The following ASAP1 variants were observed in gnomAD, a reference collection of about 807,000 sequenced individuals.
The protein encoded by ASAP1 is ArfGAP with SH3 domain, ankyrin repeat and PH domain 1, also known as arf-GAP with SH3 domain, ANK repeat and PH domain-containing protein 1.
Under a neutral mutation model 145.2 loss-of-function variants are expected in ASAP1, and 43 were observed. The observed-to-expected ratio is 0.30, with a 90% CI of 0.23 to 0.38. The LOEUF (loss-of-function observed/expected upper bound fraction) is 0.38. Ranked by LOEUF, ASAP1 falls within the 10% of genes least tolerant of loss-of-function variation. The probability of loss-of-function intolerance (pLI) is 1.00; values close to 1 mark genes in which losing one functional copy is unlikely to be tolerated. For synonymous variants in ASAP1, 546 were observed against 515.5 expected, an observed-to-expected ratio of 1.06 and a Z score of -0.80; for missense variants, 1,018 against 1,355.3, an observed-to-expected ratio of 0.75 and a Z score of 3.91.
chr8:130,119,356 C>G (rs2097561771), intron 18 of ASAP1, among the ~76,000 whole-genome samples: 1 of 152,196 alleles, frequency 6.6e-6, no homozygotes. Context: ...AGCTGTCTTT[C>G]CTGCACAGGT....
At chr8:130,310,013 G>C (rs921189161) in intron 3 of ASAP1, among the ~76,000 whole-genome samples, 6 of 151,712 alleles carry the variant, frequency 4.0e-5, no homozygotes, top group Non-Finnish European at 8.8e-5. Flanking sequence ...TATCCCAATC[G>C]TCCAGTTTCT....
chr8:130,142,623 T>G (rs1012200817), intron 13 of ASAP1, among the ~76,000 whole-genome samples: 1 of 152,108 alleles, frequency 6.6e-6, no homozygotes, highest in South Asian at 2.1e-4. Flanking sequence ...ACCAAAGATG[T>G]AGGCAAGGTT....
At chr8:130,099,202 TGA>T (rs2097524384) in intron 24 of ASAP1, among the ~76,000 whole-genome samples, 1 of 150,814 alleles carries the variant, frequency 6.6e-6, no homozygotes, top group African/African-American at 2.4e-5. Context: ...TTTGGTGGAC[TGA>T]GTCTCGCTCT....
intron 3 of ASAP1, among the ~76,000 whole-genome samples, chr8:130,334,559 A>C (rs1487740100): frequency 6.6e-6 from 1 of 152,256 alleles, no homozygotes; most frequent in Non-Finnish European, 1.5e-5. Context: ...ACAGTTCTTC[A>C]CAACCATTCT....
rs565613974 is a variant in ASAP1, at chr8:130,251,917, T to C, written c.187-14923A>G. Among the ~76,000 whole-genome samples the C allele has an allele frequency of 2.6e-5, 4 of 152,258 alleles. No individual in the cohort carries two copies. In the South Asian group the frequency reaches 6.2e-4, roughly 24 times the overall value. On this transcript the variant is annotated intron_variant, in intron 3 of 29. Transcript: ENST00000518721. ...GCTTTGGAGAAATGGCCACAAACCA[T>C]ACAGAAGACAAATTATATTTCAAGT... is the stretch of plus-strand genomic sequence containing the variant.
At chr8:130,161,627 A>G (rs2097669449) in intron 11 of ASAP1, among the ~76,000 whole-genome samples, 1 of 152,196 alleles carries the variant, frequency 6.6e-6, no homozygotes, top group Non-Finnish European at 1.5e-5. Context: ...TAAAGAGGTT[A>G]CAAACTTGAG....
intron 2 of ASAP1, among the ~76,000 whole-genome samples, chr8:130,359,892 G>A (rs1198864470): frequency 6.6e-6 from 1 of 151,236 alleles, no homozygotes; most frequent in Non-Finnish European, 1.5e-5. Context: ...CAAAGTGCTG[G>A]GATTACAGGC....
At chr8:130,112,543 G>C (rs2097548591) in intron 23 of ASAP1, 2 of 476,964 alleles carry the variant, frequency 4.2e-6, no homozygotes, top group African/African-American at 1.9e-5. Flanking sequence ...TCACACTAGT[G>C]AAACACTGGT....
intron 3 of ASAP1, among the ~76,000 whole-genome samples, chr8:130,301,443 A>C (rs1171636689): frequency 6.6e-6 from 1 of 152,210 alleles, no homozygotes; most frequent in Non-Finnish European, 1.5e-5. Context: ...AAAGGCATGG[A>C]CTTCTGTAGC....
chr8:130,330,792 T>C (rs574200277), intron 3 of ASAP1, among the ~76,000 whole-genome samples: 2 of 152,302 alleles, frequency 1.3e-5, no homozygotes, highest in South Asian at 2.1e-4. Context: ...ATTTTGCCTG[T>C]TTTTACATAT....
intron 3 of ASAP1, among the ~76,000 whole-genome samples, chr8:130,253,790 T>C (rs558709838): frequency 1.3e-5 from 2 of 152,316 alleles, no homozygotes; most frequent in Non-Finnish European, 1.5e-5. Flanking sequence ...TTACTTTTTC[T>C]TAAATATTTC....
intron 4 of ASAP1, among the ~76,000 whole-genome samples, chr8:130,218,060 C>T (rs145255895): frequency 6.6e-6 from 1 of 152,074 alleles, no homozygotes; most frequent in African/African-American, 2.4e-5. Context: ...CTCAGAGGAG[C>T]GGCTCAGAAA....
At chr8:130,093,239 T>C (rs1216754050) in intron 24 of ASAP1, among the ~76,000 whole-genome samples, 1 of 152,216 alleles carries the variant, frequency 6.6e-6, no homozygotes, top group Non-Finnish European at 1.5e-5. Context: ...ATCTTAGTTT[T>C]GTTTATTCAA....
intron 7 of ASAP1, among the ~76,000 whole-genome samples, chr8:130,182,542 T>A (rs1202586005): frequency 6.6e-6 from 1 of 152,146 alleles, no homozygotes; most frequent in African/African-American, 2.4e-5. Context: ...CTTCACATCC[T>A]AAAACTTGAA....
chr8:130,105,141 G>C lies in ASAP1; in HGVS notation c.2401+6953C>G, dbSNP rs565747317. On this transcript the variant is annotated intron_variant, in intron 24 of 29. Transcript: ENST00000518721. ...TTGGACCTTTGTATCTGGGAGTTCT[G>C]CATCTGCAGGTTCAACCAACCCTGG... 5.3e-5 allele frequency among the ~76,000 whole-genome samples: 8 copies of C among 152,172 alleles called. No homozygotes were observed. In the South Asian group the frequency reaches 1.7e-3, roughly 32 times the overall value.
chr8:130,357,588 A>G (rs1826401736), intron 3 of ASAP1, among the ~76,000 whole-genome samples: 1 of 152,176 alleles, frequency 6.6e-6, no homozygotes, highest in South Asian at 2.1e-4. Context: ...CGGGCCGCTG[A>G]GGGGTGCGTT....
intron 2 of ASAP1, among the ~76,000 whole-genome samples, chr8:130,374,034 TAA>T (rs34199624): frequency 7.2e-4 from 68 of 94,386 alleles, no homozygotes; most frequent in South Asian, 2.9e-3. Context: ...TAACTCCCTT[TAA>T]AAAAAAAAAA....
rs368803236 is a variant in ASAP1 at position 130,079,986 on chromosome 8, G to A, written c.2573-15C>T. On this transcript the variant is annotated splice_polypyrimidine_tract_variant and intron_variant, in intron 25 of 29. Coordinates refer to ENST00000518721, the MANE Select transcript of ASAP1 (RefSeq NM_018482.4). ...CCCATCGTTACCTACAAGGAAAACC[G>A]AAGGTGAAAAGGTATGTCTTTAGAT... The A allele has an allele frequency of 3.3e-5, 53 of 1,611,584 alleles. No individual in the cohort carries two copies. The highest frequency in any genetic ancestry group is 1.6e-4 in the Middle Eastern group (1 of 6,078).
At chr8:130,391,281 G>A (rs943908447) in intron 2 of ASAP1, among the ~76,000 whole-genome samples, 1 of 152,172 alleles carries the variant, frequency 6.6e-6, no homozygotes, top group Non-Finnish European at 1.5e-5. Context: ...GGAAGGGAGA[G>A]GGAAGAGAAG....
Sources: allele counts gnomAD v4.1 joint callset (sites outside exome capture counted in the v4.1 genomes callset), GRCh38; gene constraint gnomAD v4.1.1; transcripts MANE v1.5; gene names NCBI Gene and HGNC (gene_info 2026-07-23, HGNC 2026-07-21).